HACD3: variants seen among roughly 807,000 people sequenced by gnomAD.
HACD3 encodes 3-hydroxyacyl-CoA dehydratase 3.
Under a neutral mutation model 55.2 loss-of-function variants are expected in HACD3, and 30 were observed. That is an observed-to-expected ratio of 0.54 (90% CI 0.41 to 0.74). The LOEUF (loss-of-function observed/expected upper bound fraction) is 0.74. HACD3 is among the 30% of genes least tolerant of loss of function. The pLI is 0.00. For synonymous variants in HACD3, 141 were observed against 151.7 expected (o/e 0.93, Z 0.52); for missense variants, 363 against 440.1 (o/e 0.82, Z 1.57).
chr15:65,570,641 A>G (rs2072338661), intron 8 of HACD3, among the ~76,000 whole-genome samples: 1 of 152,174 alleles, frequency 6.6e-6, no homozygotes, highest in Non-Finnish European at 1.5e-5. Context: ...GAAGTTTGAA[A>G]TGGCCTCTAA....
intron 3 of HACD3, 95 bp downstream of exon 3, chr15:65,555,055 A>AT: frequency 1.0e-6 from 1 of 980,672 alleles, no homozygotes; most frequent in East Asian, 2.5e-5. Flanking sequence ...AGAGAAGAAG[A>AT]TAAAAACCAA....
chr15:65,562,693 G>C (rs565386939), intron 5 of HACD3, 81 bp from the exon 6 acceptor site: 72 of 1,527,068 alleles, frequency 4.7e-5, no homozygotes, highest in Non-Finnish European at 6.0e-5. Context: ...AAGGGTTGAA[G>C]TCATCCAGAT....
chr15:65,544,882 G>A (rs1234155627), intron 1 of HACD3, among the ~76,000 whole-genome samples: 2 of 151,992 alleles, frequency 1.3e-5, no homozygotes, highest in African/African-American at 2.4e-5. Flanking sequence ...TTAGCCGGGC[G>A]TGGTTGCACG....
chr15:65,571,700 A>C, intron 9 of HACD3, 46 bp downstream of exon 9: 1 of 1,450,164 alleles, frequency 6.9e-7, no homozygotes, highest in Non-Finnish European at 9.6e-7. Flanking sequence ...TCCAGGGGGT[A>C]CCCAGAGGCT....
intron 1 of HACD3, chr15:65,551,115 A>T (rs1175332074): frequency 6.6e-6 from 1 of 152,252 alleles, no homozygotes; most frequent in Non-Finnish European, 1.5e-5. Flanking sequence ...TACCTGTTGG[A>T]ATTAATTTAT....
intron 1 of HACD3, among the ~76,000 whole-genome samples, chr15:65,537,246 G>A (rs540182904): frequency 1.3e-4 from 20 of 152,184 alleles, no homozygotes; most frequent in Non-Finnish European, 2.2e-4. Flanking sequence ...AGAAGCTGCA[G>A]CAAGTTATCC....
intron 7 of HACD3, chr15:65,566,425 G>A: frequency 6.5e-6 from 1 of 154,766 alleles, no homozygotes; most frequent in Non-Finnish European, 1.4e-5. Flanking sequence ...CCATGTGGCG[G>A]GGGAAGGTCT....
rs570358225 is a variant in HACD3 at position 65,576,344 on chromosome 15, C to T, written c.1054C>T (p.Arg352Trp). The part of the protein sequence containing the change: ...NFRHLYKQRR[R>W]RYGQKKKKIH ...TCGTCACCTTTATAAACAGCGCAGA[C>T]GGCGCTATGGACAAAAAAAGAAAAA... The change falls in exon 11 of 11, where the codon CGG (arginine) becomes TGG (tryptophan). Residue 352 changes from arginine (R) to tryptophan (W), a missense_variant. Coordinates refer to ENST00000261875, the MANE Select transcript of HACD3 (RefSeq NM_016395.4). 62 of 1,603,254 alleles carry T rather than the reference C, an allele frequency of 3.9e-5. No homozygotes were observed. Among genetic ancestry groups the T allele is most frequent in the African/African-American group, 5.4e-5 (4 of 74,584 alleles).
At chr15:65,570,748 A>G (rs1011803381) in intron 8 of HACD3, among the ~76,000 whole-genome samples, 1 of 152,004 alleles carries the variant, frequency 6.6e-6, no homozygotes, top group Non-Finnish European at 1.5e-5. Context: ...GACCATACAC[A>G]CTCCATATGT....
At chr15:65,549,289 G>C (rs953003949) in intron 1 of HACD3, among the ~76,000 whole-genome samples, 1 of 152,036 alleles carries the variant, frequency 6.6e-6, no homozygotes, top group Non-Finnish European at 1.5e-5. Context: ...GCAGGCAATA[G>C]AAGTAAGGTC....
chr15:65,562,663 A>AG (rs1567338322), intron 5 of HACD3, 111 bp from the exon 6 acceptor site: 11 of 1,415,038 alleles, frequency 7.8e-6, no homozygotes, highest in Non-Finnish European at 2.8e-6. Flanking sequence ...GTGGGAGCTT[A>AG]GGAGCATTCA....
chr15:65,576,544 T>C lies in HACD3; in HGVS notation c.*165T>C, dbSNP rs1350438685. The C allele has an allele frequency of 5.6e-6, 4 of 718,334 alleles. No homozygotes were observed. Among genetic ancestry groups the C allele is most frequent in the Non-Finnish European group, 8.9e-6 (4 of 447,690 alleles). 44.5% of individuals were successfully genotyped at this position (718,334 alleles called of 1,614,324 possible). ...CATTCCTGAATTTACTGTTATCTTA[T>C]TGTAGTACTTGCATGACATGGATTC... On this transcript the variant is annotated 3_prime_UTR_variant, in exon 11 of 11. Coordinates refer to ENST00000261875, the MANE Select transcript of HACD3 (RefSeq NM_016395.4).
rs2072407235 is a variant in HACD3 at position 65,576,896 on chromosome 15, T to C, written c.*517T>C. 2 of 153,782 alleles carry C rather than the reference T, an allele frequency of 1.3e-5. No individual in the cohort carries two copies. The highest frequency in any genetic ancestry group is 6.5e-5 in the Admixed American group (1 of 15,464). The allele number at this position is 153,782 out of a possible 1,614,324, so 9.5% of individuals were successfully genotyped here. ...TTTGAAAATCAAGTGGACTGAGTCA[T>C]TGATAAAACATTTCTAAGAGTGGGG... On this transcript the variant is annotated 3_prime_UTR_variant, in exon 11 of 11. Coordinates refer to ENST00000261875, the MANE Select transcript of HACD3 (RefSeq NM_016395.4).
chr15:65,533,023 G>A lies in HACD3; in HGVS notation c.87+2305G>A, dbSNP rs544900785. ...GTTACCTTTCTTTCATTTAGTTAGT[G>A]ATGACTTCCAGAAATGAGAATTATT... On this transcript the variant is annotated intron_variant, in intron 1 of 10. Transcript: ENST00000261875. 1.1e-4 allele frequency among the ~76,000 whole-genome samples: 17 copies of A among 152,298 alleles called. 1 individual carries two copies. The South Asian group carries it at 2.1e-3, about 19-fold the overall frequency.
chr15:65,537,647 G>A (rs1407679980), intron 1 of HACD3, among the ~76,000 whole-genome samples: 1 of 151,220 alleles, frequency 6.6e-6, no homozygotes, highest in Non-Finnish European at 1.5e-5. Context: ...AAAAAAATTA[G>A]CTGGGCATGG....
In HACD3 at chr15:65,554,870, CATTT is replaced by C; in HGVS notation, c.131-16_131-13del. On this transcript the variant is annotated splice_polypyrimidine_tract_variant and intron_variant, in intron 2 of 10. Transcript: ENST00000261875. The stretch of plus-strand genomic sequence containing the variant: ...CTCTGCTCAAGTTTGCAGTAACCCA[CATTT>C]CTTTCTTTATAGCTCAAGGACATGG... 1 of 1,598,004 alleles carries C rather than the reference CATTT, an allele frequency of 6.3e-7. No homozygotes were observed. The highest frequency in any genetic ancestry group is 8.6e-7 in the Non-Finnish European group (1 of 1,165,550).
At chr15:65,555,033 C>A in intron 3 of HACD3, 73 bp downstream of exon 3, 1 of 1,208,444 alleles carries the variant, frequency 8.3e-7, no homozygotes, top group Non-Finnish European at 1.2e-6. Context: ...AAATGGGGAG[C>A]AGGGTTTGTG....
At chr15:65,552,431 G>T (rs776326525) in intron 2 of HACD3, among the ~76,000 whole-genome samples, 1 of 152,158 alleles carries the variant, frequency 6.6e-6, no homozygotes, top group Non-Finnish European at 1.5e-5. Context: ...CGCCTCCTGG[G>T]TTCAAGTGAT....
chr15:65,556,613 G>A, intron 3 of HACD3, 126 bp from the exon 4 acceptor site: 3 of 1,010,336 alleles, frequency 3.0e-6, no homozygotes, highest in Non-Finnish European at 4.2e-6. Flanking sequence ...TTTGCATCAG[G>A]ACTTGCAGGA....
Sources: gnomAD v4.1 joint callset for allele counts (sites outside exome capture counted in the v4.1 genomes callset) on GRCh38, gnomAD v4.1.1 for gene constraint, MANE v1.5 for transcripts, NCBI Gene and HGNC (gene_info 2026-07-23, HGNC 2026-07-21) for gene names.